UBE2J1: variants seen among roughly 807,000 people sequenced by gnomAD.
UBE2J1 encodes ubiquitin conjugating enzyme E2 J1, also known as ubiquitin-conjugating enzyme E2 J1.
Under a neutral mutation model 42.1 loss-of-function variants are expected in UBE2J1, and 17 were observed. That is an observed-to-expected ratio of 0.40 (90% CI 0.28 to 0.61). UBE2J1 has a LOEUF of 0.61. Among genes scored for constraint, UBE2J1 ranks in the 20% least tolerant of loss-of-function variants. The pLI is 0.38. For synonymous variants in UBE2J1, 127 were observed against 137.2 expected, an observed-to-expected ratio of 0.93 and a Z score of 0.52; for missense variants, 291 against 389.4, an observed-to-expected ratio of 0.75 and a Z score of 2.13.
In UBE2J1 at chr6:89,343,434, CAAAAAAAAAA is replaced by C. The variant is rs58981898; in HGVS notation, c.105+239_105+248del. 2.8e-4 allele frequency among the ~76,000 whole-genome samples: 23 copies of C among 81,046 alleles called. 1 individual carries two copies. Among genetic ancestry groups the C allele is most frequent in the African/African-American group, 1.1e-3 (22 of 20,310 alleles). The allele number at this position is 81,046 out of a possible 152,430, so 53.2% of individuals were successfully genotyped here. A position where few individuals can be genotyped will look rare whatever the true frequency, so the allele number is the denominator to read the frequency against. Reference sequence around the variant, plus strand: ...TGGGCAACACAGTGAGACTCCGCCTCAAAAAAAAAAAAAAAAAAAAAAAGATCTAACCTCA... The same window carrying C: ...TGGGCAACACAGTGAGACTCCGCCTCAAAAAAAAAAAAAGATCTAACCTCA... On this transcript the variant is annotated intron_variant, in intron 2 of 7. Transcript: ENST00000435041.
Position 89,329,600 on chromosome 6 carries a change from TAAACA to T in UBE2J1, c.*74_*78del. ...GGGTAAATACAAAATAATCTTTTTG[TAAACA>T]ATTCTTAGATTATACCCAATGCAGA... On this transcript the variant is annotated 3_prime_UTR_variant, in exon 8 of 8. Transcript: ENST00000435041. 2 of 1,469,910 alleles carry T rather than the reference TAAACA, an allele frequency of 1.4e-6. No homozygotes were observed. Among genetic ancestry groups the T allele is most frequent in the Non-Finnish European group, 1.9e-6 (2 of 1,070,998 alleles). 91.1% of individuals were successfully genotyped at this position (1,469,910 alleles called of 1,614,324 possible).
intron 6 of UBE2J1, among the ~76,000 whole-genome samples, chr6:89,334,365 C>T (rs185461093): frequency 3.3e-3 from 503 of 151,668 alleles, no homozygotes; most frequent in Non-Finnish European, 5.3e-3. Context: ...ATCCTATGTT[C>T]GGGTAAAACA....
At chr6:89,338,834 G>T (rs990155432) in intron 3 of UBE2J1, among the ~76,000 whole-genome samples, 36 of 151,428 alleles carry the variant, frequency 2.4e-4, no homozygotes, top group South Asian at 6.3e-4. Flanking sequence ...CCTGGCTAAT[G>T]TTTTGTATTT....
chr6:89,349,373 T>A (rs957058621), intron 1 of UBE2J1, among the ~76,000 whole-genome samples: 4 of 152,118 alleles, frequency 2.6e-5, no homozygotes, highest in Admixed American at 1.3e-4. Flanking sequence ...CTACTGAAAA[T>A]TTTTCAATTT....
chr6:89,348,126 G>A (rs773406313), intron 1 of UBE2J1, among the ~76,000 whole-genome samples: 1 of 152,176 alleles, frequency 6.6e-6, no homozygotes, highest in African/African-American at 2.4e-5. Context: ...CTTCTACATG[G>A]CTAGAGAGGA....
At chr6:89,352,469 C>A in intron 1 of UBE2J1, 70 bp downstream of exon 1, 1 of 1,481,206 alleles carries the variant, frequency 6.8e-7, no homozygotes, top group Non-Finnish European at 9.0e-7. Flanking sequence ...GCGAGGGGAC[C>A]GAGGCGGCGA....
Position 89,328,352 on chromosome 6 carries a change from A to G in UBE2J1, c.*1327T>C, listed in dbSNP as rs1767943811. 1 of 152,252 alleles carries G rather than the reference A, an allele frequency of 6.6e-6. No homozygotes were observed. Among genetic ancestry groups the G allele is most frequent in the Non-Finnish European group, 1.5e-5 (1 of 68,040 alleles). 9.4% of individuals were successfully genotyped at this position (152,252 alleles called of 1,614,324 possible). On this transcript the variant is annotated 3_prime_UTR_variant, in exon 8 of 8. Transcript: ENST00000435041. ...CCCTCCCCTATACTATTCAAGATAT[A>G]CATATGGGCTAACTTTCGTGGACCG...
At chr6:89,331,910 C>A (rs983305801) in intron 7 of UBE2J1, among the ~76,000 whole-genome samples, 3 of 152,148 alleles carry the variant, frequency 2.0e-5, no homozygotes, top group African/African-American at 7.2e-5. Context: ...AAAATTAATT[C>A]ATTGTTTTCC....
intron 5 of UBE2J1, among the ~76,000 whole-genome samples, chr6:89,336,476 T>A (rs919829920): frequency 9.7e-5 from 5 of 51,402 alleles, no homozygotes; most frequent in African/African-American, 2.5e-4. Context: ...TTATTTTATT[T>A]TTTTTTTTTA....
chr6:89,345,172 A>C (rs1768335199), intron 1 of UBE2J1, among the ~76,000 whole-genome samples: 1 of 152,244 alleles, frequency 6.6e-6, no homozygotes, highest in Non-Finnish European at 1.5e-5. Context: ...GTAGATATGA[A>C]TAGGAAGAGG....
chr6:89,341,757 G>T (rs902546056), intron 3 of UBE2J1, among the ~76,000 whole-genome samples: 1 of 151,808 alleles, frequency 6.6e-6, no homozygotes, highest in Admixed American at 6.6e-5. Context: ...TTCACATGAA[G>T]AAAAGATGTG....
intron 3 of UBE2J1, among the ~76,000 whole-genome samples, chr6:89,338,875 C>G (rs566433353): frequency 6.6e-6 from 1 of 151,858 alleles, no homozygotes; most frequent in Non-Finnish European, 1.5e-5. Context: ...CCGTGTTAGC[C>G]AGGATGGTCT....
At position 89,352,513 on chromosome 6, in the gene UBE2J1, C is replaced by A. The variant is rs751819683; in HGVS notation, c.31+26G>T. 14 of 1,561,036 alleles carry A rather than the reference C, an allele frequency of 9.0e-6. No homozygotes were observed. The South Asian group carries it at 1.6e-4, about 18-fold the overall frequency. On this transcript the variant is annotated intron_variant, in intron 1 of 7. Coordinates refer to ENST00000435041, the MANE Select transcript of UBE2J1 (RefSeq NM_016021.3). ...GGGTCCAGGGTCACTCCGCCCTCCT[C>A]GCCCAGGGGCCCCAGCCCTGCTCAC...
chr6:89,351,498 G>A (rs1183362338), intron 1 of UBE2J1, among the ~76,000 whole-genome samples: 1 of 152,044 alleles, frequency 6.6e-6, no homozygotes, highest in Non-Finnish European at 1.5e-5. Context: ...ATATCCTCAG[G>A]CTTTTCTGGG....
intron 1 of UBE2J1, among the ~76,000 whole-genome samples, chr6:89,351,057 C>T (rs943870286): frequency 2.7e-5 from 4 of 150,664 alleles, no homozygotes; most frequent in African/African-American, 9.8e-5. Flanking sequence ...TCCCTCCCCA[C>T]CCCGGGATTC....
rs192512153 is a variant in UBE2J1, at chr6:89,349,829, C to T, written c.31+2710G>A. Among the ~76,000 whole-genome samples the T allele has an allele frequency of 3.9e-5, 6 of 152,262 alleles. No homozygotes were observed. In the South Asian group the frequency reaches 8.3e-4, roughly 21 times the overall value. ...GGTACTTTTGCACCAGTCTCTTATA[C>T]TCCCACCACCTGCTGCACATGTCAA... On this transcript the variant is annotated intron_variant, in intron 1 of 7. Coordinates refer to ENST00000435041, the MANE Select transcript of UBE2J1 (RefSeq NM_016021.3).
Position 89,338,192 on chromosome 6 carries a change from A to G in UBE2J1, c.428+13T>C. On this transcript the variant is annotated intron_variant, in intron 5 of 7. Transcript: ENST00000435041. ...CTATTCAGACCTCAAGAAGAATGAA[A>G]TGCAAAACTTACTTTTTGGCAAGTG... The G allele has an allele frequency of 6.3e-7, 1 of 1,596,824 alleles. No individual in the cohort carries two copies. The highest frequency in any genetic ancestry group is 1.3e-5 in the African/African-American group (1 of 74,446).
At chr6:89,339,598 A>AC (rs1768199148) in intron 3 of UBE2J1, among the ~76,000 whole-genome samples, 2 of 12,280 alleles carry the variant, frequency 1.6e-4, no homozygotes. Flanking sequence ...GGGGAAGGAG[A>AC]GGGGGGAAGG....
rs578129743 is a variant in UBE2J1, at chr6:89,352,610, C to CA, written c.-42dup. On this transcript the variant is annotated 5_prime_UTR_variant, in exon 1 of 8. Transcript: ENST00000435041. The stretch of plus-strand genomic sequence containing the variant: ...TGGCTCCGGCCTCCCGGGCCGCTGC[C>CA]ACCTCCTCTCCACGCGGCCGCTGCC... 0.016 allele frequency: 24,186 copies of CA among 1,536,498 alleles called. 237 individuals are homozygous for CA. The highest frequency in any genetic ancestry group is 0.019 in the Non-Finnish European group (22,045 of 1,149,206).
Sources: allele counts gnomAD v4.1 joint callset (sites outside exome capture counted in the v4.1 genomes callset), GRCh38; gene constraint gnomAD v4.1.1; transcripts MANE v1.5; gene names NCBI Gene and HGNC (gene_info 2026-07-23, HGNC 2026-07-21).